Variants in GABRB1 observed in about 807,000 individuals in gnomAD.
GABRB1 encodes the protein gamma-aminobutyric acid receptor subunit beta-1.
Under a neutral mutation model 51.6 loss-of-function variants are expected in GABRB1, and 17 were observed. The ratio of observed to expected loss-of-function variants is 0.33; its 90% CI spans 0.23 to 0.49. The LOEUF is 0.49. GABRB1 is among the 20% of genes least tolerant of loss of function. The pLI, the probability that GABRB1 is intolerant of heterozygous loss-of-function variation, is 0.99. For synonymous variants in GABRB1, 247 were observed against 218.9 expected, an observed-to-expected ratio of 1.13 and a Z score of -1.14; for missense variants, 410 against 600.6, an observed-to-expected ratio of 0.68 and a Z score of 3.32.
rs571648572 is a variant in GABRB1, at chr4:47,345,413, T to G, written c.544+25204T>G. On this transcript the variant is annotated intron_variant, in intron 5 of 8. Coordinates refer to ENST00000295454, the MANE Select transcript of GABRB1 (RefSeq NM_000812.4). Reference sequence around the variant, plus strand: ...AATTGGCAGAATTGGACTAAGGAGGTAAAGAGAGTTTTTTTGAGATTGTGT... The same window carrying G: ...AATTGGCAGAATTGGACTAAGGAGGGAAAGAGAGTTTTTTTGAGATTGTGT... Among the ~76,000 whole-genome samples the G allele has an allele frequency of 1.4e-4, 22 of 152,158 alleles. No homozygotes were observed. In the South Asian group the frequency reaches 4.1e-3, roughly 29 times the overall value.
chr4:47,123,840 T>C (rs28502150), intron 3 of GABRB1, among the ~76,000 whole-genome samples: 1 of 88,210 alleles, frequency 1.1e-5, no homozygotes, highest in African/African-American at 4.5e-5. Flanking sequence ...ATATATTATA[T>C]TATATATATT....
chr4:47,405,441 T>G (rs1247089293), intron 7 of GABRB1, among the ~76,000 whole-genome samples: 2 of 152,202 alleles, frequency 1.3e-5, no homozygotes, highest in Non-Finnish European at 2.9e-5. Flanking sequence ...ACTTTCTGAC[T>G]TTATTTTTAA....
intron 3 of GABRB1, among the ~76,000 whole-genome samples, chr4:47,121,752 A>G (rs1715786179): frequency 6.6e-6 from 1 of 152,198 alleles, no homozygotes; most frequent in Non-Finnish European, 1.5e-5. Flanking sequence ...TCATAGTTAA[A>G]TTATTTTATG....
intron 4 of GABRB1, among the ~76,000 whole-genome samples, chr4:47,282,500 A>G (rs149019591): frequency 3.2e-4 from 48 of 152,334 alleles, no homozygotes. Flanking sequence ...GTAGTAGCAC[A>G]TAACTAGTTG....
chr4:47,036,920 T>C lies in GABRB1; in HGVS notation c.240+4436T>C, dbSNP rs185055851. 3.0e-3 allele frequency among the ~76,000 whole-genome samples: 454 copies of C among 152,180 alleles called. 1 individual carries two copies. Among genetic ancestry groups the C allele is most frequent in the Non-Finnish European group, 5.1e-3 (344 of 68,022 alleles). ...GTAAAGAAAAAAAGAAATGAACTTTTTTTTTCCATTAAAATTTCTTTAGGA... is the reference window on the plus strand; with the variant it reads ...GTAAAGAAAAAAAGAAATGAACTTTCTTTTTCCATTAAAATTTCTTTAGGA... On this transcript the variant is annotated intron_variant, in intron 3 of 8. Coordinates refer to ENST00000295454, the MANE Select transcript of GABRB1 (RefSeq NM_000812.4).
chr4:47,260,835 A>C (rs1311350676), intron 4 of GABRB1, among the ~76,000 whole-genome samples: 4 of 152,186 alleles, frequency 2.6e-5, no homozygotes, highest in African/African-American at 9.6e-5. Flanking sequence ...GCAGCACATC[A>C]AAAAGCTTAT....
chr4:47,092,134 C>A lies in GABRB1; in HGVS notation c.240+59650C>A, dbSNP rs184791596. On this transcript the variant is annotated intron_variant, in intron 3 of 8. Transcript: ENST00000295454. ...ACCAATAATTCCCAAGAATTCATTTCTTTTCTTTTTCTTTCTTTCTTTCTT... is the reference window on the plus strand; with the variant it reads ...ACCAATAATTCCCAAGAATTCATTTATTTTCTTTTTCTTTCTTTCTTTCTT... Among the ~76,000 whole-genome samples, 31 of 97,912 alleles carry A rather than the reference C, an allele frequency of 3.2e-4. No individual in the cohort carries two copies. The East Asian group carries it at 7.4e-3, about 23-fold the overall frequency. The allele number at this position is 97,912 out of a possible 152,430, so 64.2% of individuals were successfully genotyped here. A position where few individuals can be genotyped will look rare whatever the true frequency, so the allele number is the denominator to read the frequency against.
chr4:47,183,345 CATATATATATATAT>C lies in GABRB1; in HGVS notation c.461+21899_461+21912del, dbSNP rs57840134. ...AACATCTTATCTGTATGTGTGTGTG[CATATATATATATAT>C]ATATATATATATATATATATATTCC... On this transcript the variant is annotated intron_variant, in intron 4 of 8. Transcript: ENST00000295454. 3.0e-3 allele frequency among the ~76,000 whole-genome samples: 373 copies of C among 124,428 alleles called. 2 individuals carry two copies. The highest frequency in any genetic ancestry group is 0.01 in the African/African-American group (347 of 33,794). 81.6% of individuals were successfully genotyped at this position (124,428 alleles called of 152,430 possible).
At chr4:47,197,803 T>G (rs1406420093) in intron 4 of GABRB1, among the ~76,000 whole-genome samples, 2 of 152,194 alleles carry the variant, frequency 1.3e-5, no homozygotes, top group Non-Finnish European at 2.9e-5. Context: ...TCATTCAATA[T>G]TTAAGCCTCT....
intron 3 of GABRB1, among the ~76,000 whole-genome samples, chr4:47,110,107 G>A (rs1715154758): frequency 6.6e-6 from 1 of 152,132 alleles, no homozygotes; most frequent in Non-Finnish European, 1.5e-5. Flanking sequence ...AACCTAATGT[G>A]TCTAGCTTGA....
chr4:47,029,849 C>T (rs894312804), upstream of GABRB1, among the ~76,000 whole-genome samples: 5 of 152,112 alleles, frequency 3.3e-5, no homozygotes, highest in East Asian at 5.8e-4. Flanking sequence ...TCTATTTGCT[C>T]GTACTATTTT....
chr4:47,301,364 T>C (rs146515182), intron 4 of GABRB1, among the ~76,000 whole-genome samples: 147 of 152,264 alleles, frequency 9.7e-4, no homozygotes, highest in African/African-American at 3.4e-3. Flanking sequence ...AGACTGGACA[T>C]GGTGGCTCAC....
intron 4 of GABRB1, among the ~76,000 whole-genome samples, chr4:47,253,928 T>C (rs1163720907): frequency 6.6e-6 from 1 of 152,236 alleles, no homozygotes; most frequent in Non-Finnish European, 1.5e-5. Context: ...GTACTTATCA[T>C]TAACGTGATT....
At chr4:47,184,955 T>C (rs1719111927) in intron 4 of GABRB1, among the ~76,000 whole-genome samples, 2 of 151,848 alleles carry the variant, frequency 1.3e-5, no homozygotes, top group Admixed American at 1.3e-4. Flanking sequence ...ACGATTACTT[T>C]GCTATACCAT....
At chr4:47,261,876 A>T (rs918622291) in intron 4 of GABRB1, among the ~76,000 whole-genome samples, 10 of 152,204 alleles carry the variant, frequency 6.6e-5, no homozygotes, top group African/African-American at 2.4e-4. Context: ...CAGAGCCCTC[A>T]GAAATAACGC....
chr4:47,158,135 G>A (rs1282172037), intron 3 of GABRB1, among the ~76,000 whole-genome samples: 2 of 151,734 alleles, frequency 1.3e-5, no homozygotes, highest in African/African-American at 2.4e-5. Context: ...ACCCATACAC[G>A]CACACACACA....
intron 4 of GABRB1, among the ~76,000 whole-genome samples, chr4:47,254,614 C>T (rs1343428743): frequency 6.6e-6 from 1 of 151,664 alleles, no homozygotes; most frequent in Non-Finnish European, 1.5e-5. Flanking sequence ...CTTTGTGATC[C>T]GTTTGCCTTG....
intron 1 of GABRB1, among the ~76,000 whole-genome samples, chr4:47,003,369 C>T (rs1412406714): frequency 6.6e-6 from 1 of 152,086 alleles, no homozygotes; most frequent in African/African-American, 2.4e-5. Context: ...CTGAGTTTCT[C>T]GAGGATGGGG....
intron 3 of GABRB1, among the ~76,000 whole-genome samples, chr4:47,113,625 A>T (rs954503175): frequency 6.6e-6 from 1 of 152,142 alleles, no homozygotes; most frequent in Non-Finnish European, 1.5e-5. Context: ...GAAGAGAAGA[A>T]CAATCATGAG....
Sources: gnomAD v4.1 joint callset for allele counts (sites outside exome capture counted in the v4.1 genomes callset) on GRCh38, gnomAD v4.1.1 for gene constraint, MANE v1.5 for transcripts, NCBI Gene and HGNC (gene_info 2026-07-23, HGNC 2026-07-21) for gene names.